TYW1: variants seen among roughly 807,000 people sequenced by gnomAD.
The protein encoded by TYW1 is tRNA-yW synthesizing protein 1 homolog.
Under a neutral mutation model 96.2 loss-of-function variants are expected in TYW1, and 46 were observed. That is an observed-to-expected ratio of 0.48 (90% CI 0.38 to 0.61). TYW1 has a LOEUF of 0.61. TYW1 is among the 20% of genes least tolerant of loss of function. The pLI, the probability that TYW1 is intolerant of heterozygous loss-of-function variation, is 0.00. For synonymous variants in TYW1, 274 were observed against 323.0 expected (o/e 0.85, Z 1.63); for missense variants, 684 against 909.6 (o/e 0.75, Z 3.19).
At chr7:67,128,691 T>TG (rs1797976606) in intron 13 of TYW1, among the ~76,000 whole-genome samples, 1 of 55,678 alleles carries the variant, frequency 1.8e-5, no homozygotes, top group South Asian at 6.2e-4. Context: ...GGTCTCAGTG[T>TG]TTTTTTTTTT....
At chr7:67,044,302 T>C (rs1795120560) in intron 7 of TYW1, among the ~76,000 whole-genome samples, 1 of 152,050 alleles carries the variant, frequency 6.6e-6, no homozygotes, top group South Asian at 2.1e-4. Flanking sequence ...TTCATCATGT[T>C]GGCCAGGCTG....
chr7:67,005,663 G>GTTTC (rs1472778551), intron 3 of TYW1, among the ~76,000 whole-genome samples: 2 of 152,178 alleles, frequency 1.3e-5, no homozygotes, highest in African/African-American at 4.8e-5. Flanking sequence ...CTAAGACAGT[G>GTTTC]TTTCTGATTC....
chr7:67,211,180 G>T (rs1284764091), intron 15 of TYW1, among the ~76,000 whole-genome samples: 1 of 144,250 alleles, frequency 6.9e-6, no homozygotes. Flanking sequence ...GTGTGTGTGT[G>T]TGTGTGTGTG....
chr7:67,098,285 A>G (rs1235086856), intron 11 of TYW1, among the ~76,000 whole-genome samples: 4 of 152,264 alleles, frequency 2.6e-5, no homozygotes, highest in Admixed American at 6.5e-5. Context: ...TGCATTCCAA[A>G]TAATTAGCTA....
chr7:67,061,844 G>A (rs116493447), intron 9 of TYW1, among the ~76,000 whole-genome samples: 4,683 of 152,174 alleles, frequency 0.031, 215 homozygotes, highest in African/African-American at 0.11. Context: ...TAGCTTATGC[G>A]AGAAAAATGT....
chr7:67,114,698 C>T (rs533932937), intron 12 of TYW1, among the ~76,000 whole-genome samples: 3 of 152,170 alleles, frequency 2.0e-5, no homozygotes, highest in African/African-American at 7.2e-5. Context: ...CATTTGTTAT[C>T]TCTGTATAGA....
chr7:67,027,598 A>G (rs1794492912), intron 7 of TYW1, among the ~76,000 whole-genome samples: 1 of 152,184 alleles, frequency 6.6e-6, no homozygotes, highest in South Asian at 2.1e-4. Flanking sequence ...TATCTCAGAC[A>G]AGGTGTTAAT....
chr7:67,213,924 A>G (rs1294885868), intron 15 of TYW1, among the ~76,000 whole-genome samples: 1 of 152,144 alleles, frequency 6.6e-6, no homozygotes, highest in Admixed American at 6.5e-5. Context: ...GTAACTTTAT[A>G]GTAAGTTTTG....
chr7:67,087,295 A>G (rs10231655), intron 11 of TYW1, among the ~76,000 whole-genome samples: 36,939 of 152,118 alleles, frequency 0.24, 4,772 homozygotes, highest in African/African-American at 0.32. Context: ...GGGGTGTCCA[A>G]TAGTGACCTT....
rs62468372 is a variant in TYW1, at chr7:67,100,442, A to G, written c.1562+1724A>G. Among the ~76,000 whole-genome samples the G allele has an allele frequency of 3.7e-3, 564 of 152,084 alleles. 2 individuals carry two copies. The highest frequency in any genetic ancestry group is 6.9e-3 in the Non-Finnish European group (471 of 67,988). The stretch of plus-strand genomic sequence containing the variant: ...CGGTGCATTTTTTGCCTGGCGCACT[A>G]AAGGTGCTCAGTACATGGGTAGTGA... On this transcript the variant is annotated intron_variant, in intron 12 of 15. Coordinates refer to ENST00000359626, the MANE Select transcript of TYW1 (RefSeq NM_018264.4).
chr7:67,132,762 T>G (rs939755370), intron 13 of TYW1, among the ~76,000 whole-genome samples: 1 of 152,208 alleles, frequency 6.6e-6, no homozygotes, highest in Non-Finnish European at 1.5e-5. Flanking sequence ...TTGTTTGATA[T>G]TATGCTCGTG....
chr7:67,189,898 C>T (rs1800154487), intron 14 of TYW1, among the ~76,000 whole-genome samples: 1 of 151,768 alleles, frequency 6.6e-6, no homozygotes, highest in African/African-American at 2.4e-5. Flanking sequence ...ATTTGCTAGC[C>T]TGAGAATCTT....
At chr7:67,064,739 A>C (rs1259842340) in intron 9 of TYW1, among the ~76,000 whole-genome samples, 1 of 152,218 alleles carries the variant, frequency 6.6e-6, no homozygotes, top group Non-Finnish European at 1.5e-5. Context: ...ATTCTGGGAG[A>C]TAAATTCAAG....
At chr7:67,039,457 C>CAAA (rs879310027) in intron 7 of TYW1, among the ~76,000 whole-genome samples, 1 of 106,702 alleles carries the variant, frequency 9.4e-6, no homozygotes. Flanking sequence ...GACTCCGTCT[C>CAAA]AAAAAAAAAA....
intron 7 of TYW1, among the ~76,000 whole-genome samples, chr7:67,031,111 T>C (rs1794658640): frequency 7.5e-6 from 1 of 132,582 alleles, no homozygotes; most frequent in Non-Finnish European, 1.6e-5. Context: ...GAGAATCACT[T>C]GAACCCGGGA....
intron 13 of TYW1, among the ~76,000 whole-genome samples, chr7:67,167,981 C>T (rs1799399977): frequency 6.6e-6 from 1 of 152,100 alleles, no homozygotes; most frequent in African/African-American, 2.4e-5. Flanking sequence ...TCTCGAACTC[C>T]TGACCTCATG....
intron 8 of TYW1, among the ~76,000 whole-genome samples, chr7:67,055,612 A>G (rs1584507657): frequency 7.0e-6 from 1 of 143,392 alleles, no homozygotes; most frequent in African/African-American, 2.4e-5. Context: ...AAAAAAAAAA[A>G]GATCATTTCT....
chr7:67,094,310 C>T (rs187842218), intron 11 of TYW1, among the ~76,000 whole-genome samples: 77 of 152,184 alleles, frequency 5.1e-4, no homozygotes, highest in Middle Eastern at 6.8e-3. Context: ...GATGAACATA[C>T]GAGTGGGTAC....
rs1584500342 is a variant in TYW1, at chr7:67,048,491, A to G, written c.985-1458A>G. ...CTCGTGTGTTGTCTCTGAAATTATT[A>G]CTCAGCACTCTGCCATTCCCAAAAA... On this transcript the variant is annotated intron_variant, in intron 7 of 15. Transcript: ENST00000359626. Among the ~76,000 whole-genome samples the G allele has an allele frequency of 2.0e-5, 3 of 151,702 alleles. No homozygotes were observed. The East Asian group carries it at 5.8e-4, about 29-fold the overall frequency.
Sources: gnomAD v4.1 joint callset for allele counts (sites outside exome capture counted in the v4.1 genomes callset) on GRCh38, gnomAD v4.1.1 for gene constraint, MANE v1.5 for transcripts, NCBI Gene and HGNC (gene_info 2026-07-23, HGNC 2026-07-21) for gene names.